ACADM: variants seen among roughly 807,000 people sequenced by gnomAD.
The protein encoded by ACADM is medium-chain specific acyl-CoA dehydrogenase, mitochondrial.
In ACADM, 49 loss-of-function variants were observed where a neutral mutation model predicts 58.9. The ratio of observed to expected loss-of-function variants is 0.83; its 90% CI spans 0.66 to 1.06. ACADM has a LOEUF of 1.06. Ranked by LOEUF, ACADM falls within the 50% of genes least tolerant of loss-of-function variation. ACADM has a pLI of 0.00. For missense variants in ACADM, 496 were observed against 507.0 expected (o/e 0.98, Z 0.21); for synonymous variants, 160 against 157.7 (o/e 1.01, Z -0.11).
chr1:75,740,227 G>A (rs1647492566), intron 7 of ACADM, 117 bp downstream of exon 7: 2 of 1,033,016 alleles, frequency 1.9e-6, no homozygotes, highest in Non-Finnish European at 1.4e-6. Context: ...GGAACTGGAA[G>A]GCCTAAAGGA....
In ACADM at chr1:75,762,767, A is replaced by T. The variant is rs755073721; in HGVS notation, c.*4A>T. On this transcript the variant is annotated 3_prime_UTR_variant, in exon 12 of 12. Transcript: ENST00000370841. The stretch of plus-strand genomic sequence containing the variant: ...CATTGACAAGTACAAAAATTAAAAA[A>T]ATTACTGTAGAAATATTGAATAACT... The T allele has an allele frequency of 6.4e-7, 1 of 1,557,474 alleles. No individual in the cohort carries two copies.
At chr1:75,727,949 G>C (rs1647081651) in intron 1 of ACADM, among the ~76,000 whole-genome samples, 1 of 152,150 alleles carries the variant, frequency 6.6e-6, no homozygotes. Flanking sequence ...AAGGTTTCCA[G>C]AGGCATGCAT....
intron 2 of ACADM, among the ~76,000 whole-genome samples, chr1:75,729,794 T>A (rs570472913): frequency 6.6e-6 from 1 of 151,558 alleles, no homozygotes; most frequent in African/African-American, 2.4e-5. Context: ...GTGCCCAACC[T>A]AAATGAAAAT....
At chr1:75,733,308 A>G (rs1165512075) in intron 4 of ACADM, 2 of 1,146,730 alleles carry the variant, frequency 1.7e-6, no homozygotes, top group South Asian at 1.6e-5. Context: ...ACAGGAATAC[A>G]GGTTCAAATT....
chr1:75,744,294 A>G, intron 7 of ACADM: 1 of 1,613,536 alleles, frequency 6.2e-7, no homozygotes, highest in Non-Finnish European at 8.5e-7. Flanking sequence ...TTGGGGCTGC[A>G]GCAGCAGGAG....
At chr1:75,728,320 C>T (rs1360433934) in intron 1 of ACADM, 81 bp from the exon 2 acceptor site, 3 of 1,140,184 alleles carry the variant, frequency 2.6e-6, no homozygotes, top group South Asian at 1.4e-5. Context: ...AGTTGCTGTA[C>T]TCACTTATGA....
chr1:75,741,998 G>A (rs1311333527), intron 7 of ACADM, among the ~76,000 whole-genome samples: 1 of 151,956 alleles, frequency 6.6e-6, no homozygotes, highest in South Asian at 2.1e-4. Context: ...GGAACATATG[G>A]ATCTCCATTT....
chr1:75,743,444 G>A (rs1345457909), intron 7 of ACADM: 1 of 1,610,434 alleles, frequency 6.2e-7, no homozygotes, highest in African/African-American at 1.3e-5. Context: ...AGGACTCTGG[G>A]ATCCTCTACC....
In ACADM at chr1:75,762,809, T is replaced by G; in HGVS notation, c.*46T>G. ...TGAATAACTAGAACACAAGCCACTGTTTCAGCTCCAGAAAAAAGAAAGGGC... is the reference window on the plus strand; with the variant it reads ...TGAATAACTAGAACACAAGCCACTGGTTCAGCTCCAGAAAAAAGAAAGGGC... On this transcript the variant is annotated 3_prime_UTR_variant, in exon 12 of 12. Coordinates refer to ENST00000370841, the MANE Select transcript of ACADM (RefSeq NM_000016.6). 8.2e-7 allele frequency: 1 copy of G among 1,212,310 alleles called. No homozygotes were observed. Among genetic ancestry groups the G allele is most frequent in the South Asian group, 1.3e-5 (1 of 76,816 alleles). 75.1% of individuals were successfully genotyped at this position (1,212,310 alleles called of 1,614,324 possible). A position where few individuals can be genotyped will look rare whatever the true frequency, so the allele number is the denominator to read the frequency against.
chr1:75,727,487 A>C (rs2100343828), intron 1 of ACADM, among the ~76,000 whole-genome samples: 1 of 152,298 alleles, frequency 6.6e-6, no homozygotes, highest in East Asian at 1.9e-4. Context: ...CAAGAACACC[A>C]TTGTGGTTCC....
Position 75,734,852 on chromosome 1 carries a change from CTG to C in ACADM, c.450_451del (p.Glu151GlyfsTer17). On this transcript the variant is annotated frameshift_variant, in exon 6 of 12. Transcript: ENST00000370841. LOFTEE classifies it high-confidence loss of function. ...AAGAAGAAGTATTTGGGGAGAATGA[CTG>C]AGGAGCCATTGATGTGTGTGAGTAT... is the stretch of plus-strand genomic sequence containing the variant. The C allele has an allele frequency of 1.9e-6, 3 of 1,613,380 alleles. No homozygotes were observed. Among genetic ancestry groups the C allele is most frequent in the Non-Finnish European group, 2.5e-6 (3 of 1,179,508 alleles).
At chr1:75,745,481 G>A (rs1276785008) in intron 7 of ACADM, 2 of 276,910 alleles carry the variant, frequency 7.2e-6, no homozygotes, top group South Asian at 4.1e-5. Context: ...GTGAGATCTT[G>A]TCTAAAAAAA....
At chr1:75,752,471 C>A (rs1305853322) in intron 10 of ACADM, among the ~76,000 whole-genome samples, 1 of 152,206 alleles carries the variant, frequency 6.6e-6, no homozygotes, top group Non-Finnish European at 1.5e-5. Context: ...TGGATTAGCA[C>A]TGCTCTGTGT....
At chr1:75,735,747 G>A (rs1289729532) in intron 6 of ACADM, among the ~76,000 whole-genome samples, 3 of 151,944 alleles carry the variant, frequency 2.0e-5, no homozygotes, top group African/African-American at 7.3e-5. Context: ...GGGAGGCTGA[G>A]GCATGAGAAT....
At chr1:75,729,089 CAATTT>C (rs1211362994) in intron 2 of ACADM, among the ~76,000 whole-genome samples, 1 of 152,050 alleles carries the variant, frequency 6.6e-6, no homozygotes, top group Non-Finnish European at 1.5e-5. Flanking sequence ...ACCATTTACT[CAATTT>C]ATTTGGTCTC....
At chr1:75,734,373 C>T (rs1406226045) in intron 5 of ACADM, among the ~76,000 whole-genome samples, 1 of 148,464 alleles carries the variant, frequency 6.7e-6, no homozygotes, top group Non-Finnish European at 1.5e-5. Flanking sequence ...GACGGGGTGT[C>T]ACCCTGTTGG....
At chr1:75,745,087 T>C (rs1333884229) in intron 7 of ACADM, among the ~76,000 whole-genome samples, 1 of 152,226 alleles carries the variant, frequency 6.6e-6, no homozygotes, top group East Asian at 1.9e-4. Context: ...CTATGTTTTT[T>C]TCCTACACAT....
intron 10 of ACADM, among the ~76,000 whole-genome samples, chr1:75,752,410 T>G (rs1042617214): frequency 6.6e-6 from 1 of 152,264 alleles, no homozygotes; most frequent in East Asian, 1.9e-4. Flanking sequence ...TATTCTCATC[T>G]TCTGTACCAT....
At chr1:75,730,076 G>A (rs1310464653) in intron 2 of ACADM, among the ~76,000 whole-genome samples, 1 of 151,720 alleles carries the variant, frequency 6.6e-6, no homozygotes, top group East Asian at 1.9e-4. Context: ...TATATTATTA[G>A]TAGATATGAG....
Sources: gnomAD v4.1 joint callset for allele counts (sites outside exome capture counted in the v4.1 genomes callset) on GRCh38, gnomAD v4.1.1 for gene constraint, MANE v1.5 for transcripts, NCBI Gene and HGNC (gene_info 2026-07-23, HGNC 2026-07-21) for gene names.